CKMT2: variants seen among roughly 807,000 people sequenced by gnomAD.
The protein encoded by CKMT2 is creatine kinase S-type, mitochondrial.
Under a neutral mutation model 48.9 loss-of-function variants are expected in CKMT2, and 43 were observed. The ratio of observed to expected loss-of-function variants is 0.88; its 90% CI spans 0.69 to 1.13. The LOEUF is 1.13. Among genes scored for constraint, CKMT2 ranks in the 50% most tolerant of loss-of-function variants. The probability of loss-of-function intolerance (pLI) is 0.00; values close to 1 mark genes in which losing one functional copy is unlikely to be tolerated. For synonymous variants in CKMT2, 206 were observed against 213.0 expected (o/e 0.97, Z 0.29); for missense variants, 472 against 555.4 (o/e 0.85, Z 1.51).
At chr5:81,247,748 G>T (rs1756659906) in intron 1 of CKMT2, among the ~76,000 whole-genome samples, 1 of 152,156 alleles carries the variant, frequency 6.6e-6, no homozygotes, top group South Asian at 2.1e-4. Context: ...GCCTCTTTGT[G>T]TTCTGGCGAG....
intron 2 of CKMT2, chr5:81,252,047 T>A (rs1286936659): frequency 6.4e-6 from 1 of 155,720 alleles, no homozygotes; most frequent in Non-Finnish European, 1.4e-5. Flanking sequence ...GATATCATAG[T>A]ACTGACTTTA....
chr5:81,259,010 T>C (rs979409958), intron 7 of CKMT2, 110 bp from the exon 8 acceptor site: 3 of 1,040,926 alleles, frequency 2.9e-6, no homozygotes, highest in African/African-American at 3.2e-5. Flanking sequence ...TTACCTTAAT[T>C]TCATTCATGC....
intron 3 of CKMT2, 77 bp downstream of exon 3, chr5:81,252,970 TTTC>T: frequency 2.6e-6 from 4 of 1,525,712 alleles, no homozygotes; most frequent in Non-Finnish European, 3.6e-6. Flanking sequence ...CTGGGGTCCT[TTTC>T]TTCTCTATGG....
intron 1 of CKMT2, among the ~76,000 whole-genome samples, chr5:81,236,473 G>T (rs1379123895): frequency 6.6e-6 from 1 of 152,158 alleles, no homozygotes; most frequent in Non-Finnish European, 1.5e-5. Context: ...CCAAAATAAA[G>T]CATACTTGGC....
intron 6 of CKMT2, 108 bp downstream of exon 6, chr5:81,257,108 A>G (rs1757037353): frequency 1.3e-6 from 1 of 778,588 alleles, no homozygotes; most frequent in Non-Finnish European, 2.1e-6. Flanking sequence ...CAGCATGCCC[A>G]GACTGAGCTA....
chr5:81,249,956 A>T (rs571923114), intron 1 of CKMT2, among the ~76,000 whole-genome samples: 2 of 152,038 alleles, frequency 1.3e-5, no homozygotes, highest in African/African-American at 4.8e-5. Flanking sequence ...CTAGGTGTCA[A>T]TTTCTTTGTT....
rs1214532065 is a variant in CKMT2 at position 81,262,507 on chromosome 5, A to G, written c.1015-984A>G. ...TTACAAGAAAAAAACAACCCCATCA[A>G]AAAGTGGGCAAAGGATATGAACAGA... On this transcript the variant is annotated intron_variant, in intron 8 of 9. Transcript: ENST00000254035. Among the ~76,000 whole-genome samples the G allele has an allele frequency of 3.3e-5, 5 of 152,246 alleles. No individual in the cohort carries two copies. In the East Asian group the frequency reaches 9.6e-4, roughly 29 times the overall value.
At chr5:81,261,362 G>A (rs1757217358) in intron 8 of CKMT2, among the ~76,000 whole-genome samples, 1 of 152,174 alleles carries the variant, frequency 6.6e-6, no homozygotes, top group Admixed American at 6.5e-5. Flanking sequence ...AGGGCAATCA[G>A]GCAAGAGAAA....
chr5:81,250,510 T>C (rs1756768230), intron 1 of CKMT2, among the ~76,000 whole-genome samples: 1 of 152,082 alleles, frequency 6.6e-6, no homozygotes, highest in Non-Finnish European at 1.5e-5. Context: ...CTAAACTGAA[T>C]ATAATTTCCT....
At chr5:81,264,692 T>C (rs1338156949) in intron 9 of CKMT2, among the ~76,000 whole-genome samples, 55 of 152,174 alleles carry the variant, frequency 3.6e-4, no homozygotes, top group Non-Finnish European at 5.9e-5. Flanking sequence ...TGGAAAACAA[T>C]GTAGTTAATG....
chr5:81,252,997 C>T, intron 3 of CKMT2, 104 bp downstream of exon 3: 2 of 1,267,374 alleles, frequency 1.6e-6, no homozygotes. Context: ...CAACTTTCTG[C>T]CTTCTCAGGA....
chr5:81,251,639 A>G (rs569752200), intron 2 of CKMT2, among the ~76,000 whole-genome samples: 7 of 152,314 alleles, frequency 4.6e-5, no homozygotes, highest in African/African-American at 1.4e-4. Flanking sequence ...AAGACCAGCA[A>G]GAAATATGCT....
intron 1 of CKMT2, among the ~76,000 whole-genome samples, chr5:81,244,512 A>G (rs977628057): frequency 6.6e-6 from 1 of 152,188 alleles, no homozygotes; most frequent in Non-Finnish European, 1.5e-5. Flanking sequence ...TACACTACAT[A>G]TGCTACAGTT....
intron 1 of CKMT2, chr5:81,242,284 T>A (rs1756463087): frequency 3.3e-6 from 1 of 306,746 alleles, no homozygotes; most frequent in South Asian, 3.5e-5. Flanking sequence ...TAAGTAGATT[T>A]CATTCAAAAG....
At chr5:81,237,945 G>A (rs1445447777) in intron 1 of CKMT2, 1 of 152,136 alleles carries the variant, frequency 6.6e-6, no homozygotes. Context: ...TGGCAGTGCT[G>A]GGCTTCTCAA....
intron 8 of CKMT2, among the ~76,000 whole-genome samples, chr5:81,259,769 A>G (rs1221320669): frequency 6.6e-6 from 1 of 152,210 alleles, no homozygotes; most frequent in Non-Finnish European, 1.5e-5. Context: ...CTCCCACACA[A>G]TAACAGTGAG....
At chr5:81,253,320 AT>A (rs1220285624) in intron 3 of CKMT2, among the ~76,000 whole-genome samples, 1 of 152,100 alleles carries the variant, frequency 6.6e-6, no homozygotes, top group Non-Finnish European at 1.5e-5. Flanking sequence ...TTCTCCTCTT[AT>A]TCTATTATTA....
chr5:81,242,073 C>CG (rs1409566608), intron 1 of CKMT2, among the ~76,000 whole-genome samples: 7 of 152,176 alleles, frequency 4.6e-5, no homozygotes, highest in African/African-American at 1.7e-4. Context: ...ACATCTCTGA[C>CG]GATGGGCACG....
At chr5:81,244,888 A>G (rs1253232902) in intron 1 of CKMT2, 1 of 136,156 alleles carries the variant, frequency 7.3e-6, no homozygotes, top group Non-Finnish European at 1.5e-5. Context: ...GTCTTACTCC[A>G]TAGCCCAGGC....
Sources: allele counts gnomAD v4.1 joint callset (sites outside exome capture counted in the v4.1 genomes callset), GRCh38; gene constraint gnomAD v4.1.1; transcripts MANE v1.5; gene names NCBI Gene and HGNC (gene_info 2026-07-23, HGNC 2026-07-21).